THTPA: variants seen among roughly 807,000 people sequenced by gnomAD.
The protein encoded by THTPA is thiamine triphosphatase.
A neutral mutation model predicts 16.5 loss-of-function variants in THTPA; 16 were observed. The observed-to-expected ratio is 0.97, with a 90% CI of 0.66 to 1.47. The LOEUF (loss-of-function observed/expected upper bound fraction) is 1.47, where lower values mean the gene tolerates loss of function less well. Ranked by LOEUF, THTPA falls within the 40% of genes most tolerant of loss-of-function variation. The pLI, the probability that THTPA is intolerant of heterozygous loss-of-function variation, is 0.00. For synonymous variants in THTPA, 110 were observed against 115.5 expected, an observed-to-expected ratio of 0.95 and a Z score of 0.30; for missense variants, 281 against 280.9, an observed-to-expected ratio of 1.00 and a Z score of 0.00.
At chr14:23,525,788 G>A in the THTPA span, 1 of 1,491,774 alleles carries the variant, frequency 6.7e-7, no homozygotes. The surrounding 1 kb of genome is among the most constrained non-coding windows in gnomAD (Gnocchi z 5.9). Flanking sequence ...GGACAGCACA[G>A]GTGCAGGCCC....
the THTPA span, among the ~76,000 whole-genome samples, chr14:23,517,144 A>G: frequency 6.6e-6 from 1 of 152,042 alleles, no homozygotes; most frequent in African/African-American, 2.4e-5. Context: ...GAATAATGAC[A>G]TTTACCCCTT....
the THTPA span, chr14:23,522,064 AG>A: frequency 6.5e-7 from 1 of 1,536,376 alleles, no homozygotes; most frequent in East Asian, 2.4e-5. Context: ...CCGAGGCAGC[AG>A]TGGCGGCGTT....
At chr14:23,527,552 G>A in the THTPA span, 1 of 1,531,006 alleles carries the variant, frequency 6.5e-7, no homozygotes, top group Non-Finnish European at 8.8e-7. Context: ...CTCCCCTCCT[G>A]CACAGCCCTA....
the THTPA span, chr14:23,521,952 G>C: frequency 6.5e-7 from 1 of 1,536,054 alleles, no homozygotes; most frequent in Non-Finnish European, 8.7e-7. Context: ...CCCCATCTTG[G>C]TTAATCTGTT....
chr14:23,525,881 G>A, the THTPA span: 1 of 1,457,692 alleles, frequency 6.9e-7, no homozygotes, highest in Non-Finnish European at 9.0e-7. This position sits in a 1 kb window ranked among gnomAD's most constrained non-coding sequence, Gnocchi z 5.9. Flanking sequence ...CTTAAGCAGT[G>A]ATTCGGGCAC....
At chr14:23,530,056 A>G in the THTPA span, 1 of 1,396,932 alleles carries the variant, frequency 7.2e-7, no homozygotes, top group Non-Finnish European at 9.8e-7. Flanking sequence ...CTCCTGGATT[A>G]CTGCAAGGTC....
At position 23,557,256 on chromosome 14, in the gene THTPA, G is replaced by A. The variant is rs757730905; in HGVS notation, c.499G>A (p.Glu167Lys). 17 of 1,611,006 alleles carry A rather than the reference G, an allele frequency of 1.1e-5. 1 individual carries two copies. In the South Asian group the frequency reaches 1.8e-4, roughly 17 times the overall value. The change falls in exon 1 of 2, where the codon GAA (glutamate) becomes AAA (lysine). Residue 167 changes from glutamate (E) to lysine (K), a missense_variant. Physicochemically the swap from Glu to Lys is moderately conservative, Grantham distance 56. Coordinates refer to ENST00000288014, the MANE Select transcript of THTPA (RefSeq NM_024328.6). ...AGAGGCCCTGGTGCATGAGGAGGCT[G>A]AAGTACCAACTGCCCTAGAGAAGAT... ...EVEALVHEEAEVPTALEKIHR... is the reference protein window; with the variant it reads ...EVEALVHEEAKVPTALEKIHR...
chr14:23,558,181 C>T (rs574208837), intron 1 of THTPA, among the ~76,000 whole-genome samples: 7 of 152,328 alleles, frequency 4.6e-5, no homozygotes, highest in Admixed American at 2.6e-4. Context: ...AAGACACTGG[C>T]AACAGGCAGT....
At chr14:23,520,911 T>C in the THTPA span, 4 of 152,158 alleles carry the variant, frequency 2.6e-5, no homozygotes, top group Non-Finnish European at 5.9e-5. The surrounding 1 kb of genome is among the most constrained non-coding windows in gnomAD (Gnocchi z 8.7). Flanking sequence ...GTTTACGTTT[T>C]TCTTTAGTTC....
the THTPA span, chr14:23,523,916 C>T: frequency 6.5e-7 from 1 of 1,536,174 alleles, no homozygotes; most frequent in Admixed American, 2.0e-5. This position sits in a 1 kb window ranked among gnomAD's most constrained non-coding sequence, Gnocchi z 4.1. Context: ...TTCCTCTGGG[C>T]CCTCTTCCTC....
the THTPA span, chr14:23,526,507 G>C: frequency 5.9e-5 from 91 of 1,535,906 alleles, no homozygotes; most frequent in Admixed American, 1.7e-3. Context: ...CCTCAGCCAT[G>C]GTGGGCGGAG....
chr14:23,527,819 T>C, the THTPA span: 91 of 1,534,210 alleles, frequency 5.9e-5, no homozygotes, highest in Admixed American at 9.0e-4. Context: ...AGGGAACATA[T>C]GGGCAGTGGA....
chr14:23,554,735 C>T (rs1882219425), upstream of THTPA, among the ~76,000 whole-genome samples: 2 of 152,056 alleles, frequency 1.3e-5, no homozygotes, highest in South Asian at 4.1e-4. Flanking sequence ...TAATACCTCT[C>T]ACTGGTCATG....
intron 1 of THTPA, 32 bp downstream of exon 1, chr14:23,557,336 TG>T: frequency 3.9e-6 from 6 of 1,532,780 alleles, no homozygotes; most frequent in Non-Finnish European, 5.2e-6. Context: ...GTGCTTTTCC[TG>T]CTCCCCACTT....
the THTPA span, chr14:23,522,197 T>C: frequency 1.3e-6 from 2 of 1,488,598 alleles, no homozygotes; most frequent in East Asian, 4.9e-5. Context: ...CAGGCAGTGG[T>C]AGGTGCAGAT....
At chr14:23,524,909 G>A in the THTPA span, 1 of 1,536,348 alleles carries the variant, frequency 6.5e-7, no homozygotes, top group Non-Finnish European at 8.7e-7. This position sits in a 1 kb window ranked among gnomAD's most constrained non-coding sequence, Gnocchi z 5.6. Context: ...ACAGGAGAAA[G>A]TGGCGTGGCA....
the THTPA span, chr14:23,522,895 C>A: frequency 6.8e-7 from 1 of 1,481,256 alleles, no homozygotes; most frequent in Non-Finnish European, 8.9e-7. Context: ...TGGTGGTAGG[C>A]AGGACCGAAG....
At chr14:23,541,953 G>A in the THTPA span, among the ~76,000 whole-genome samples, 2 of 152,104 alleles carry the variant, frequency 1.3e-5, no homozygotes, top group African/African-American at 4.8e-5. Flanking sequence ...CTTACTTTGT[G>A]CAAATAAGTT....
At chr14:23,525,751 T>C in the THTPA span, 1 of 1,507,232 alleles carries the variant, frequency 6.6e-7, no homozygotes, top group Admixed American at 2.1e-5. The surrounding 1 kb of genome is among the most constrained non-coding windows in gnomAD (Gnocchi z 5.9). Context: ...GAGGTTGGGG[T>C]GGAGGAGGAG....
Sources: allele counts gnomAD v4.1 joint callset (sites outside exome capture counted in the v4.1 genomes callset), GRCh38; gene constraint gnomAD v4.1.1; non-coding constraint Gnocchi (gnomAD v3.1); transcripts MANE v1.5; gene names NCBI Gene and HGNC (gene_info 2026-07-23, HGNC 2026-07-21).